The following TEX11 variants were observed in gnomAD, a reference collection of about 807,000 sequenced individuals.
The protein encoded by TEX11 is testis-expressed protein 11.
A neutral mutation model predicts 84.4 loss-of-function variants in TEX11; 7 were observed. The ratio of observed to expected loss-of-function variants is 0.08; its 90% CI spans 0.05 to 0.16. The LOEUF (loss-of-function observed/expected upper bound fraction) is 0.16, where lower values mean the gene tolerates loss of function less well. TEX11 is among the 10% of genes least tolerant of loss of function. TEX11 has a pLI of 1.00. For synonymous variants in TEX11, 264 were observed against 222.8 expected (o/e 1.18, Z -1.64); for missense variants, 551 against 660.5 (o/e 0.83, Z 1.82).
At chrX:70,556,450 T>C (rs1380028929) in intron 25 of TEX11, among the ~76,000 whole-genome samples, 1 of 112,226 alleles carries the variant, frequency 8.9e-6, no homozygotes, top group African/African-American at 3.2e-5. Context: ...ATTATAGATA[T>C]ATAATTCTCT....
At chrX:70,630,509 C>T (rs1248704097) in intron 17 of TEX11, among the ~76,000 whole-genome samples, 1 of 110,390 alleles carries the variant, frequency 9.1e-6, no homozygotes, top group Non-Finnish European at 1.9e-5. Flanking sequence ...CTATAGACTT[C>T]AAGCAACAAA....
At chrX:70,730,430 T>A (rs1303326027) in intron 11 of TEX11, among the ~76,000 whole-genome samples, 1 of 111,493 alleles carries the variant, frequency 9.0e-6, no homozygotes, top group Non-Finnish European at 1.9e-5. Flanking sequence ...GAGACACACA[T>A]AGGCTCAAAA....
intron 9 of TEX11, among the ~76,000 whole-genome samples, chrX:70,753,725 G>A (rs1002304742): frequency 7.3e-5 from 8 of 109,940 alleles, no homozygotes; most frequent in Non-Finnish European, 5.7e-5. Flanking sequence ...AAAAATAAAG[G>A]GGACTGTGTC....
In TEX11 at chrX:70,651,616, T is replaced by C. The variant is rs2089812616; in HGVS notation, c.1381-64A>G. ...CAAGGAAGGACTTACCATATTTTACTAATATCATTAAGGTAGTCAAAATGG... is the reference window on the plus strand; with the variant it reads ...CAAGGAAGGACTTACCATATTTTACCAATATCATTAAGGTAGTCAAAATGG... On this transcript the variant is annotated intron_variant, in intron 16 of 29. Transcript: ENST00000374333. 1.7e-5 allele frequency: 15 copies of C among 857,458 alleles called. No individual in the cohort carries two copies. In the South Asian group the frequency reaches 2.6e-4, roughly 15 times the overall value. The allele number at this position is 857,458 out of a possible 1,213,427, so 70.7% of individuals were successfully genotyped here.
At chrX:70,842,576 C>G (rs1453609508) in intron 7 of TEX11, among the ~76,000 whole-genome samples, 2 of 111,867 alleles carry the variant, frequency 1.8e-5, no homozygotes, top group Admixed American at 9.6e-5. Flanking sequence ...TGACACAAGA[C>G]AGGGATGCCC....
intron 9 of TEX11, among the ~76,000 whole-genome samples, chrX:70,751,078 C>T (rs1223814265): frequency 9.7e-6 from 1 of 103,024 alleles, no homozygotes; most frequent in Non-Finnish European, 2.0e-5. Context: ...TGTGGCGATA[C>T]CTCAAGGATC....
chrX:70,595,260 T>G (rs2088989978), intron 24 of TEX11, among the ~76,000 whole-genome samples: 1 of 110,679 alleles, frequency 9.0e-6, no homozygotes. Context: ...TTTGTGTGTA[T>G]TTTTAGTAGA....
At chrX:70,676,528 T>C (rs891587540) in intron 15 of TEX11, among the ~76,000 whole-genome samples, 1 of 112,496 alleles carries the variant, frequency 8.9e-6, no homozygotes, top group African/African-American at 3.2e-5. Context: ...TTTTAGGACA[T>C]TCTCTTTATC....
intron 25 of TEX11, among the ~76,000 whole-genome samples, chrX:70,583,966 A>C (rs1160278432): frequency 8.9e-6 from 1 of 112,265 alleles, no homozygotes; most frequent in Non-Finnish European, 1.9e-5. Context: ...ACATCAAAAA[A>C]TTAGATAACT....
At chrX:70,773,243 C>CA (rs201845268) in intron 9 of TEX11, among the ~76,000 whole-genome samples, 65 of 104,157 alleles carry the variant, frequency 6.2e-4, no homozygotes, top group African/African-American at 2.0e-3. Flanking sequence ...TAATAAAAGT[C>CA]AAAAAAAAAG....
At chrX:70,732,622 GTACAAAC>G (rs2090662755) in intron 11 of TEX11, among the ~76,000 whole-genome samples, 1 of 111,286 alleles carries the variant, frequency 9.0e-6, no homozygotes, top group Admixed American at 9.6e-5. Flanking sequence ...TCAAGAAGAA[GTACAAAC>G]CACTGCTCAA....
chrX:70,671,645 G>A (rs1208817855), intron 15 of TEX11, among the ~76,000 whole-genome samples: 1 of 107,806 alleles, frequency 9.3e-6, no homozygotes, highest in East Asian at 2.9e-4. Flanking sequence ...AAGAGAATAC[G>A]AATATCATTC....
chrX:70,648,778 G>A (rs113443520), intron 17 of TEX11, among the ~76,000 whole-genome samples: 9,649 of 110,687 alleles, frequency 0.087, 513 homozygotes, highest in Admixed American at 0.25. Flanking sequence ...GTAGGCATAC[G>A]TGTGTCATGG....
At chrX:70,617,567 T>A (rs1258886787) in intron 20 of TEX11, among the ~76,000 whole-genome samples, 3 of 109,261 alleles carry the variant, frequency 2.7e-5, no homozygotes, top group Middle Eastern at 4.7e-3. Flanking sequence ...TTAAGTGAAA[T>A]AACTCAGAAG....
At chrX:70,594,333 C>G (rs1376023668) in intron 24 of TEX11, among the ~76,000 whole-genome samples, 1 of 110,947 alleles carries the variant, frequency 9.0e-6, no homozygotes, top group Non-Finnish European at 1.9e-5. Context: ...GAATTCGTTG[C>G]TAAGAGACAA....
chrX:70,532,315 G>A (rs1462051641), intron 28 of TEX11, among the ~76,000 whole-genome samples: 3 of 112,056 alleles, frequency 2.7e-5, no homozygotes, highest in African/African-American at 9.7e-5. Context: ...TGCTGGCAAC[G>A]GGAAGGCACT....
At chrX:70,722,480 G>T (rs2090567532) in intron 13 of TEX11, 138 bp downstream of exon 13, 1 of 450,905 alleles carries the variant, frequency 2.2e-6, no homozygotes, top group Non-Finnish European at 3.8e-6. Context: ...TTGCTATATT[G>T]CCAAGGTTGG....
chrX:70,713,641 C>T (rs1356707724), intron 13 of TEX11, among the ~76,000 whole-genome samples: 1 of 110,974 alleles, frequency 9.0e-6, no homozygotes, highest in African/African-American at 3.3e-5. Context: ...GGTGATATCC[C>T]CTTTATCATT....
At chrX:70,731,764 A>C (rs1370564121) in intron 11 of TEX11, among the ~76,000 whole-genome samples, 1 of 52,826 alleles carries the variant, frequency 1.9e-5, no homozygotes, top group East Asian at 1.1e-3. Flanking sequence ...AAACTATTCC[A>C]ATCATAGAAA....
Sources: gnomAD v4.1 joint callset for allele counts (sites outside exome capture counted in the v4.1 genomes callset) on GRCh38, gnomAD v4.1.1 for gene constraint, MANE v1.5 for transcripts, NCBI Gene and HGNC (gene_info 2026-07-23, HGNC 2026-07-21) for gene names.